XKR6: variants seen among roughly 807,000 people sequenced by gnomAD.
The protein encoded by XKR6 is XK related 6, also known as XK-related protein 6.
A neutral mutation model predicts 56.7 loss-of-function variants in XKR6; 22 were observed. The observed-to-expected ratio is 0.39, with a 90% CI of 0.28 to 0.55. The LOEUF (loss-of-function observed/expected upper bound fraction) is 0.55, where lower values mean the gene tolerates loss of function less well. Among genes scored for constraint, XKR6 ranks in the 20% least tolerant of loss-of-function variants. The pLI, the probability that XKR6 is intolerant of heterozygous loss-of-function variation, is 0.66. For missense variants in XKR6, 852 were observed against 889.0 expected (o/e 0.96, Z 0.53); for synonymous variants, 524 against 387.8 (o/e 1.35, Z -4.13).
At chr8:11,047,915 G>A (rs940814745) in intron 1 of XKR6, among the ~76,000 whole-genome samples, 4 of 152,170 alleles carry the variant, frequency 2.6e-5, no homozygotes, top group Non-Finnish European at 5.9e-5. Flanking sequence ...TCTGATTAGT[G>A]TTGAAAGTCC....
intron 1 of XKR6, among the ~76,000 whole-genome samples, chr8:10,928,730 G>T (rs908433224): frequency 2.6e-5 from 4 of 152,178 alleles, no homozygotes; most frequent in Non-Finnish European, 5.9e-5. Context: ...CTCCGAGGGG[G>T]GAACCAAGGC....
chr8:11,021,552 A>G (rs530043060), intron 1 of XKR6, among the ~76,000 whole-genome samples: 2 of 152,182 alleles, frequency 1.3e-5, no homozygotes, highest in South Asian at 4.2e-4. Context: ...TGTCCCTTTC[A>G]AGCAGAAAAC....
At chr8:10,932,491 T>C (rs1199075096) in intron 1 of XKR6, among the ~76,000 whole-genome samples, 1 of 148,052 alleles carries the variant, frequency 6.8e-6, no homozygotes, top group Non-Finnish European at 1.5e-5. Context: ...TAGTTACATA[T>C]GTATACATGT....
At chr8:11,161,125 C>G (rs576097041) in intron 1 of XKR6, among the ~76,000 whole-genome samples, 1 of 152,106 alleles carries the variant, frequency 6.6e-6, no homozygotes, top group African/African-American at 2.4e-5. Flanking sequence ...AAACTGCCAA[C>G]AGGAACTGAT....
intron 1 of XKR6, among the ~76,000 whole-genome samples, chr8:10,960,976 A>G (rs1802042523): frequency 6.6e-6 from 1 of 152,198 alleles, no homozygotes; most frequent in African/African-American, 2.4e-5. Context: ...TAGATGGGGT[A>G]GGGCCAGGAG....
chr8:11,098,548 A>T (rs77012973), intron 1 of XKR6, among the ~76,000 whole-genome samples: 1,924 of 152,316 alleles, frequency 0.013, 25 homozygotes, highest in Non-Finnish European at 0.02. Context: ...TTGTCTCATC[A>T]GAACTATGCC....
intron 1 of XKR6, among the ~76,000 whole-genome samples, chr8:10,947,505 T>C (rs7821914): frequency 0.49 from 74,916 of 151,756 alleles, 20,553 homozygotes; most frequent in African/African-American, 0.73. Context: ...AAAACACCAT[T>C]GCTTAGCTTC....
intron 1 of XKR6, among the ~76,000 whole-genome samples, chr8:10,976,108 G>A (rs1802549608): frequency 1.3e-5 from 2 of 152,070 alleles, no homozygotes; most frequent in Admixed American, 1.3e-4. Flanking sequence ...CCCGGGAGGT[G>A]GAGCTTGCAG....
intron 1 of XKR6, among the ~76,000 whole-genome samples, chr8:11,184,384 C>CACAT (rs1164200649): frequency 2.7e-5 from 3 of 110,106 alleles, no homozygotes; most frequent in East Asian, 2.0e-4. Context: ...TATATATACA[C>CACAT]ACATACACAC....
chr8:11,009,309 A>G (rs1284406590), intron 1 of XKR6, among the ~76,000 whole-genome samples: 1 of 152,174 alleles, frequency 6.6e-6, no homozygotes, highest in Non-Finnish European at 1.5e-5. Flanking sequence ...CCAGGAGTTC[A>G]AGACCGGCCT....
At chr8:10,958,605 T>A (rs1176427998) in intron 1 of XKR6, among the ~76,000 whole-genome samples, 2 of 152,122 alleles carry the variant, frequency 1.3e-5, no homozygotes, top group African/African-American at 4.8e-5. Context: ...ATGGGTGTGA[T>A]CACCATGGGA....
chr8:11,188,398 T>C (rs573020014), intron 1 of XKR6, among the ~76,000 whole-genome samples: 1 of 152,332 alleles, frequency 6.6e-6, no homozygotes, highest in Non-Finnish European at 1.5e-5. Flanking sequence ...AAACTCATCA[T>C]GTGATTGTCT....
intron 1 of XKR6, among the ~76,000 whole-genome samples, chr8:11,183,931 C>T (rs1803128192): frequency 6.6e-6 from 1 of 152,050 alleles, no homozygotes; most frequent in South Asian, 2.1e-4. Flanking sequence ...TATACAATGC[C>T]AACAAGTCAG....
intron 1 of XKR6, among the ~76,000 whole-genome samples, chr8:11,134,055 G>C (rs73198940): frequency 0.079 from 11,969 of 152,138 alleles, 674 homozygotes; most frequent in Non-Finnish European, 0.12. Context: ...CCCAGAACGT[G>C]CTGCTGTTCT....
chr8:11,178,365 G>A (rs1195089398), intron 1 of XKR6, among the ~76,000 whole-genome samples: 1 of 151,850 alleles, frequency 6.6e-6, no homozygotes, highest in Non-Finnish European at 1.5e-5. Flanking sequence ...ATTATCTCAT[G>A]AGTCTTATGT....
intron 1 of XKR6, among the ~76,000 whole-genome samples, chr8:11,139,950 T>G (rs767268858): frequency 1.3e-5 from 2 of 152,006 alleles, no homozygotes; most frequent in Non-Finnish European, 2.9e-5. Context: ...ATACAAGCCA[T>G]GAACGAAGGT....
chr8:11,098,684 TA>T (rs1346083010), intron 1 of XKR6, among the ~76,000 whole-genome samples: 1 of 152,212 alleles, frequency 6.6e-6, no homozygotes, highest in Non-Finnish European at 1.5e-5. Flanking sequence ...GTGGAAAGTT[TA>T]TTTTTGAATA....
chr8:10,898,881 A>C lies in XKR6; in HGVS notation c.997T>G (p.Trp333Gly). 6.2e-7 allele frequency: 1 copy of C among 1,612,542 alleles called. No homozygotes were observed. Among genetic ancestry groups the C allele is most frequent in the Non-Finnish European group, 8.5e-7 (1 of 1,179,106 alleles). The change falls in exon 3 of 3, where the codon TGG becomes GGG. Residue 333 changes from tryptophan (W) to glycine (G), a missense_variant. By Grantham distance (184) the Trp-to-Gly change is radical. Transcript: ENST00000416569. This position sits in a 1 kb window ranked among gnomAD's most constrained non-coding sequence, Gnocchi z 6.6. ...AGCTTGTGATAGGAGGCTAGCACCCAAGCCAGGGACATCAGGGAAGTCACA... is the reference window on the plus strand; with the variant it reads ...AGCTTGTGATAGGAGGCTAGCACCCCAGCCAGGGACATCAGGGAAGTCACA... ...SSVTSLMSLA[W>G]VLASYHKLLR...
chr8:11,172,647 T>C (rs1439770780), intron 1 of XKR6, among the ~76,000 whole-genome samples: 10 of 152,332 alleles, frequency 6.6e-5, no homozygotes, highest in Admixed American at 3.3e-4. Flanking sequence ...TTGCCGGGAA[T>C]TGGTAATGTA....
Sources: allele counts gnomAD v4.1 joint callset (sites outside exome capture counted in the v4.1 genomes callset), GRCh38; gene constraint gnomAD v4.1.1; non-coding constraint Gnocchi (gnomAD v3.1); transcripts MANE v1.5; gene names NCBI Gene and HGNC (gene_info 2026-07-23, HGNC 2026-07-21).